The following CAPN9 variants were observed in gnomAD, a reference collection of about 807,000 sequenced individuals.
The protein encoded by CAPN9 is calpain 9, also known as calpain-9.
A neutral mutation model predicts 92.8 loss-of-function variants in CAPN9; 81 were observed. The observed-to-expected ratio is 0.87, with a 90% CI of 0.73 to 1.05. The LOEUF (loss-of-function observed/expected upper bound fraction) is 1.05, where lower values mean the gene tolerates loss of function less well. Among genes scored for constraint, CAPN9 ranks in the 50% least tolerant of loss-of-function variants. The pLI is 0.00. For synonymous variants in CAPN9, 304 were observed against 328.0 expected (o/e 0.93, Z 0.79); for missense variants, 848 against 866.2 (o/e 0.98, Z 0.26).
At chr1:230,788,745 G>T (rs954073586) in intron 13 of CAPN9, among the ~76,000 whole-genome samples, 2 of 152,156 alleles carry the variant, frequency 1.3e-5, no homozygotes, top group African/African-American at 2.4e-5. Flanking sequence ...AGCATGGTGA[G>T]GGGGGAAGGC....
intron 18 of CAPN9, among the ~76,000 whole-genome samples, chr1:230,797,642 C>T (rs1008937518): frequency 3.3e-5 from 5 of 152,250 alleles, no homozygotes; most frequent in Admixed American, 3.3e-4. Context: ...GAGGCTGAGG[C>T]CCCAAGAGGG....
intron 8 of CAPN9, among the ~76,000 whole-genome samples, chr1:230,778,467 C>A (rs1666974197): frequency 6.6e-6 from 1 of 152,214 alleles, no homozygotes; most frequent in South Asian, 2.1e-4. Context: ...AAGCCAAAAT[C>A]CCTATACCTA....
chr1:230,762,406 G>A (rs548585646), intron 3 of CAPN9, among the ~76,000 whole-genome samples: 6 of 152,348 alleles, frequency 3.9e-5, no homozygotes, highest in South Asian at 2.1e-4. Flanking sequence ...CATCGCCTGC[G>A]GCTTTGATGG....
At chr1:230,763,980 G>A (rs188887160) in intron 4 of CAPN9, among the ~76,000 whole-genome samples, 1 of 152,170 alleles carries the variant, frequency 6.6e-6, no homozygotes, top group Non-Finnish European at 1.5e-5. Context: ...CAAGGCAACA[G>A]AAACTGTGTG....
In CAPN9 at chr1:230,791,808, G is replaced by C; in HGVS notation, c.1658-56G>C. On this transcript the variant is annotated intron_variant, in intron 14 of 19. Transcript: ENST00000271971. Reference sequence around the variant, plus strand: ...ACATTATTGGGCTTTCAGCAGATGGGTACATAGGTTTATCTTATCGGGTCA... The same window carrying C: ...ACATTATTGGGCTTTCAGCAGATGGCTACATAGGTTTATCTTATCGGGTCA... 16 of 1,395,068 alleles carry C rather than the reference G, an allele frequency of 1.1e-5. No individual in the cohort carries two copies. The South Asian group carries it at 1.9e-4, about 16-fold the overall frequency. 86.4% of individuals were successfully genotyped at this position (1,395,068 alleles called of 1,614,324 possible).
intron 12 of CAPN9, 47 bp from the exon 13 acceptor site, chr1:230,787,475 T>C: frequency 1.3e-6 from 2 of 1,543,606 alleles, no homozygotes; most frequent in Non-Finnish European, 1.8e-6. Flanking sequence ...TTGTCATGTT[T>C]CTTTTTTGTG....
chr1:230,778,908 T>G lies in CAPN9; in HGVS notation c.954-65T>G, dbSNP rs769714574. On this transcript the variant is annotated intron_variant, in intron 8 of 19. Coordinates refer to ENST00000271971, the MANE Select transcript of CAPN9 (RefSeq NM_006615.3). ...ATGAATAAGTGAATGATTTAATGAATGAGTGAATGGATGATGCCCTCACTC... is the reference window on the plus strand; with the variant it reads ...ATGAATAAGTGAATGATTTAATGAAGGAGTGAATGGATGATGCCCTCACTC... The G allele has an allele frequency of 2.2e-4, 295 of 1,318,604 alleles. 1 individual carries two copies. The highest frequency in any genetic ancestry group is 2.4e-4 in the Non-Finnish European group (223 of 936,082). The allele number at this position is 1,318,604 out of a possible 1,614,324, so 81.7% of individuals were successfully genotyped here.
chr1:230,793,465 G>A lies in CAPN9; in HGVS notation c.1870+537G>A, dbSNP rs1014620011. Among the ~76,000 whole-genome samples the A allele has an allele frequency of 2.6e-5, 4 of 152,276 alleles. No homozygotes were observed. In the East Asian group the frequency reaches 7.7e-4, roughly 29 times the overall value. ...TTTATACCCTGCTCCCTTACCCAAA[G>A]GCTGGGCTCCAGGTGGCATTTCCCA... On this transcript the variant is annotated intron_variant, in intron 17 of 19. Transcript: ENST00000271971.
intron 15 of CAPN9, 118 bp from the exon 16 acceptor site, chr1:230,792,308 A>G (rs956101905): frequency 1.3e-5 from 10 of 799,846 alleles, no homozygotes; most frequent in African/African-American, 6.8e-5. Flanking sequence ...CAGGGCCCCA[A>G]ACCTGTGCAC....
In CAPN9 at chr1:230,795,258, G is replaced by A. The variant is rs150802007; in HGVS notation, c.1966G>A (p.Val656Ile). ...CTTCGATGACTTCCTCAACTGCCTG[G>A]TCCGGCTGGAGAATGCGAGCCGTAA... ...LDFDDFLNCL[V>I]RLENASRVFQ... is the part of the protein sequence containing the mutation. The change falls in exon 18 of 20, where the codon GTC (valine) becomes ATC (isoleucine). Residue 656 changes from valine to isoleucine, a missense_variant. Coordinates refer to ENST00000271971, the MANE Select transcript of CAPN9 (RefSeq NM_006615.3). 1.1e-4 allele frequency: 179 copies of A among 1,611,526 alleles called. No homozygotes were observed. Among genetic ancestry groups the A allele is most frequent in the Non-Finnish European group, 1.5e-4 (172 of 1,178,458 alleles).
intron 3 of CAPN9, among the ~76,000 whole-genome samples, chr1:230,761,829 G>A (rs28359627): frequency 0.023 from 3,480 of 152,200 alleles, 141 homozygotes; most frequent in African/African-American, 0.078. Context: ...TCCTTGACTC[G>A]TTCCAACCTC....
chr1:230,775,956 C>T (rs1043817023), intron 8 of CAPN9: 1 of 151,630 alleles, frequency 6.6e-6, no homozygotes, highest in African/African-American at 2.4e-5. Flanking sequence ...AAAACCATGA[C>T]TATTCCAGCC....
chr1:230,801,845 T>G lies in CAPN9; in HGVS notation c.*249T>G, dbSNP rs1279839370. The G allele has an allele frequency of 1.8e-6, 1 of 544,694 alleles. No homozygotes were observed. Among genetic ancestry groups the G allele is most frequent in the Non-Finnish European group, 3.3e-6 (1 of 305,648 alleles). 33.7% of individuals were successfully genotyped at this position (544,694 alleles called of 1,614,324 possible). On this transcript the variant is annotated 3_prime_UTR_variant, in exon 20 of 20. Coordinates refer to ENST00000271971, the MANE Select transcript of CAPN9 (RefSeq NM_006615.3). ...CGCCACCTGTGCCTTACATCCAGGTTCAGGCATCACTAGCTTTCCCACACT... is the reference window on the plus strand; with the variant it reads ...CGCCACCTGTGCCTTACATCCAGGTGCAGGCATCACTAGCTTTCCCACACT...
chr1:230,748,554 A>G (rs1289259715), intron 1 of CAPN9, among the ~76,000 whole-genome samples: 3 of 152,178 alleles, frequency 2.0e-5, no homozygotes, highest in Non-Finnish European at 4.4e-5. Flanking sequence ...GCATATAGTC[A>G]TATCACTTCA....
Position 230,747,716 on chromosome 1 carries a change from G to GGGGC in CAPN9, c.213+9_213+12dup. On this transcript the variant is annotated splice_region_variant and intron_variant, in intron 1 of 19. Coordinates refer to ENST00000271971, the MANE Select transcript of CAPN9 (RefSeq NM_006615.3). ...TGTGTGGAAACGACCAGGGGTGAGT[G>GGGGC]GGGCGAGCAGGGGAAGGAGCATAGA... 6.2e-7 allele frequency: 1 copy of GGGGC among 1,612,770 alleles called. No individual in the cohort carries two copies. The highest frequency in any genetic ancestry group is 8.5e-7 in the Non-Finnish European group (1 of 1,178,790).
At chr1:230,755,187 CT>C (rs1558083538) in intron 1 of CAPN9, 149 bp from the exon 2 acceptor site, 12 of 638,264 alleles carry the variant, frequency 1.9e-5, no homozygotes, top group Non-Finnish European at 2.7e-5. Context: ...AGGTGGCAGC[CT>C]TTTACATCCA....
chr1:230,787,522 C>A lies in CAPN9; in HGVS notation c.1519C>A (p.Pro507Thr). 1 of 1,613,136 alleles carries A rather than the reference C, an allele frequency of 6.2e-7. No individual in the cohort carries two copies. The highest frequency in any genetic ancestry group is 2.2e-5 in the East Asian group (1 of 44,872). The change falls in exon 13 of 20, where the codon CCT becomes ACT. Residue 507 changes from proline (P) to threonine (T), a missense_variant and splice_region_variant. Physicochemically the swap from Pro to Thr is conservative, Grantham distance 38. Coordinates refer to ENST00000271971, the MANE Select transcript of CAPN9 (RefSeq NM_006615.3). ...GCAAGTTTCTTTGGCTGTTTTTTAGCCTCCAAAGCCAACTCCACCTGACCA... is the reference window on the plus strand; with the variant it reads ...GCAAGTTTCTTTGGCTGTTTTTTAGACTCCAAAGCCAACTCCACCTGACCA... Reference protein sequence around the residue: ...DGNVDIDLPEPPKPTPPDQET... With the variant: ...DGNVDIDLPETPKPTPPDQET...
At chr1:230,787,804 G>A (rs543743804) in intron 13 of CAPN9, among the ~76,000 whole-genome samples, 1 of 152,328 alleles carries the variant, frequency 6.6e-6, no homozygotes, top group African/African-American at 2.4e-5. Flanking sequence ...TGCGGCTGTG[G>A]ATGGGGCCAG....
intron 17 of CAPN9, among the ~76,000 whole-genome samples, chr1:230,794,891 A>G (rs1668246635): frequency 6.6e-6 from 1 of 152,216 alleles, no homozygotes; most frequent in South Asian, 2.1e-4. Context: ...TTAAGATCAC[A>G]AACTCGCTAA....
Sources: allele counts gnomAD v4.1 joint callset (sites outside exome capture counted in the v4.1 genomes callset), GRCh38; gene constraint gnomAD v4.1.1; transcripts MANE v1.5; gene names NCBI Gene and HGNC (gene_info 2026-07-23, HGNC 2026-07-21).